ESCO1: variants seen among roughly 807,000 people sequenced by gnomAD.
ESCO1 encodes establishment of sister chromatid cohesion N-acetyltransferase 1.
In ESCO1, 33 loss-of-function variants were observed where a neutral mutation model predicts 83.5. That is an observed-to-expected ratio of 0.40 (90% CI 0.30 to 0.53). ESCO1 has a LOEUF of 0.53. ESCO1 is among the 20% of genes least tolerant of loss of function. The pLI is 0.63. For synonymous variants in ESCO1, 332 were observed against 324.3 expected, an observed-to-expected ratio of 1.02 and a Z score of -0.25; for missense variants, 855 against 968.0, an observed-to-expected ratio of 0.88 and a Z score of 1.55.
intron 8 of ESCO1, among the ~76,000 whole-genome samples, chr18:21,543,648 T>C (rs1481944941): frequency 6.6e-6 from 1 of 152,150 alleles, no homozygotes; most frequent in Non-Finnish European, 1.5e-5. Context: ...ACTTTAAAAG[T>C]TCACATTAAT....
intron 8 of ESCO1, among the ~76,000 whole-genome samples, chr18:21,542,288 G>A (rs890421372): frequency 6.6e-6 from 1 of 152,178 alleles, no homozygotes; most frequent in African/African-American, 2.4e-5. Context: ...TGGGGCTCAA[G>A]CAATCCTCTT....
intron 3 of ESCO1, 119 bp downstream of exon 3, chr18:21,575,553 A>G: frequency 2.5e-6 from 1 of 398,258 alleles, no homozygotes; most frequent in African/African-American, 2.1e-5. Flanking sequence ...GTATCTAATC[A>G]GTACACTTAA....
intron 10 of ESCO1, among the ~76,000 whole-genome samples, chr18:21,535,152 T>G (rs1208670152): frequency 6.6e-6 from 1 of 152,180 alleles, no homozygotes; most frequent in African/African-American, 2.4e-5. Flanking sequence ...GAGGGACTAA[T>G]TGAGAAAGAC....
intron 8 of ESCO1, among the ~76,000 whole-genome samples, chr18:21,547,707 A>C (rs2037991802): frequency 6.6e-6 from 1 of 152,210 alleles, no homozygotes; most frequent in Non-Finnish European, 1.5e-5. Context: ...GGAACCTACA[A>C]GAAAAGGCAA....
intron 1 of ESCO1, among the ~76,000 whole-genome samples, chr18:21,594,925 C>CTGTGTGTGTGTGTGTGTG (rs35336026): frequency 9.7e-5 from 14 of 143,792 alleles, no homozygotes; most frequent in South Asian, 2.3e-4. Context: ...TCTACAACTA[C>CTGTGTGTGTGTGTGTGTG]TGTGTGTGTG....
intron 4 of ESCO1, among the ~76,000 whole-genome samples, chr18:21,571,051 AT>A (rs538495949): frequency 2.8e-4 from 42 of 152,060 alleles, no homozygotes; most frequent in South Asian, 6.2e-4. Context: ...ATTTTCAGTA[AT>A]TTTTTTTAAA....
chr18:21,531,933 C>A (rs572012758), intron 11 of ESCO1, among the ~76,000 whole-genome samples: 10 of 141,612 alleles, frequency 7.1e-5, no homozygotes, highest in African/African-American at 2.6e-4. Context: ...GACCTAAAAA[C>A]CTCTTTTGAA....
intron 9 of ESCO1, among the ~76,000 whole-genome samples, chr18:21,537,222 G>A (rs1042214721): frequency 6.6e-6 from 1 of 152,170 alleles, no homozygotes; most frequent in Non-Finnish European, 1.5e-5. Flanking sequence ...GACCTCTGTA[G>A]GTACTCAACC....
Position 21,561,009 on chromosome 18 carries a change from CA to C in ESCO1, c.1822-20del. 6.4e-7 allele frequency: 1 copy of C among 1,570,144 alleles called. No individual in the cohort carries two copies. The highest frequency in any genetic ancestry group is 2.3e-5 in the East Asian group (1 of 43,872). ...CTGCATCCTATTTACAAAAAACACA[CA>C]AAAGTTTTTTTCCTCCCAAAAGAAT... On this transcript the variant is annotated intron_variant, in intron 7 of 11. Transcript: ENST00000269214.
intron 5 of ESCO1, among the ~76,000 whole-genome samples, chr18:21,567,618 G>T (rs2038280468): frequency 6.6e-6 from 1 of 152,130 alleles, no homozygotes; most frequent in Non-Finnish European, 1.5e-5. Flanking sequence ...AAGGGTTAAA[G>T]ATAAGAACCT....
intron 2 of ESCO1, among the ~76,000 whole-genome samples, chr18:21,579,452 A>AC (rs979395502): frequency 1.5e-4 from 23 of 151,038 alleles, no homozygotes; most frequent in African/African-American, 5.4e-4. Context: ...ACAAAGCAAG[A>AC]CCCCATCTCT....
At chr18:21,587,689 C>T (rs1320867494) in intron 1 of ESCO1, among the ~76,000 whole-genome samples, 1 of 152,010 alleles carries the variant, frequency 6.6e-6, no homozygotes, top group Non-Finnish European at 1.5e-5. Flanking sequence ...ATTAACCCAG[C>T]ACTTTGGGAG....
intron 8 of ESCO1, chr18:21,540,638 CA>C (rs751738093): frequency 1.5e-6 from 2 of 1,340,034 alleles, no homozygotes; most frequent in African/African-American, 1.5e-5. Flanking sequence ...TAAACATACT[CA>C]AAAAAAGAGA....
At chr18:21,566,274 A>C in intron 5 of ESCO1, 68 bp from the exon 6 acceptor site, 1 of 1,395,716 alleles carries the variant, frequency 7.2e-7, no homozygotes. Context: ...AATGGATAAA[A>C]TCATTATACA....
intron 4 of ESCO1, among the ~76,000 whole-genome samples, chr18:21,572,733 G>A (rs1186076940): frequency 6.6e-6 from 1 of 152,174 alleles, no homozygotes; most frequent in Non-Finnish European, 1.5e-5. Flanking sequence ...GGGAGGCCGA[G>A]GTGGATGGAT....
At chr18:21,536,636 A>G (rs1383898582) in intron 9 of ESCO1, among the ~76,000 whole-genome samples, 1 of 151,970 alleles carries the variant, frequency 6.6e-6, no homozygotes, top group African/African-American at 2.4e-5. Context: ...GTACTGATCA[A>G]TAACTGTTTT....
At chr18:21,544,147 G>A (rs772078629) in intron 8 of ESCO1, among the ~76,000 whole-genome samples, 8 of 151,982 alleles carry the variant, frequency 5.3e-5, no homozygotes, top group Non-Finnish European at 1.2e-4. Flanking sequence ...GGTGGTGCAC[G>A]CCTGTAGTCC....
At chr18:21,598,506 C>A (rs980671287) in intron 1 of ESCO1, among the ~76,000 whole-genome samples, 1 of 149,474 alleles carries the variant, frequency 6.7e-6, no homozygotes, top group Non-Finnish European at 1.5e-5. Context: ...TCAAGACCAG[C>A]CTGGCCAACA....
At chr18:21,570,300 T>G (rs957087881) in intron 4 of ESCO1, among the ~76,000 whole-genome samples, 8 of 152,000 alleles carry the variant, frequency 5.3e-5, no homozygotes, top group Non-Finnish European at 8.8e-5. Context: ...AGTCTCACTA[T>G]GTTGCTCAAA....
Sources: gnomAD v4.1 joint callset for allele counts (sites outside exome capture counted in the v4.1 genomes callset) on GRCh38, gnomAD v4.1.1 for gene constraint, MANE v1.5 for transcripts, NCBI Gene and HGNC (gene_info 2026-07-23, HGNC 2026-07-21) for gene names.